Variants in CDKAL1 observed in about 807,000 individuals in gnomAD.
CDKAL1 encodes the protein threonylcarbamoyladenosine tRNA methylthiotransferase.
CDKAL1 carries 32 observed loss-of-function variants against 68.2 expected under a neutral mutation model. The ratio of observed to expected loss-of-function variants is 0.47; its 90% CI spans 0.35 to 0.63. CDKAL1 has a LOEUF of 0.63. CDKAL1 is among the 30% of genes least tolerant of loss of function. The probability of loss-of-function intolerance (pLI) is 0.00; values close to 1 mark genes in which losing one functional copy is unlikely to be tolerated. For synonymous variants in CDKAL1, 234 were observed against 244.3 expected, an observed-to-expected ratio of 0.96 and a Z score of 0.39; for missense variants, 606 against 696.7, an observed-to-expected ratio of 0.87 and a Z score of 1.47.
At chr6:20,712,060 A>C (rs1024726586) in intron 5 of CDKAL1, among the ~76,000 whole-genome samples, 1 of 152,182 alleles carries the variant, frequency 6.6e-6, no homozygotes, top group Non-Finnish European at 1.5e-5. Context: ...AGCCCCTCAT[A>C]GGGTAAACAA....
At position 20,790,146 on chromosome 6, in the gene CDKAL1, A is replaced by C. The variant is rs563531675; in HGVS notation, c.638+8881A>C. Among the ~76,000 whole-genome samples the C allele has an allele frequency of 2.0e-5, 3 of 152,314 alleles. No homozygotes were observed. The South Asian group carries it at 6.2e-4, about 32-fold the overall frequency. ...TAGTTGAACATAAAAAGATGAGTTCATGTGGTATTTGCCCTTGAGAATCCC... is the reference window on the plus strand; with the variant it reads ...TAGTTGAACATAAAAAGATGAGTTCCTGTGGTATTTGCCCTTGAGAATCCC... On this transcript the variant is annotated intron_variant, in intron 8 of 15. Coordinates refer to ENST00000274695, the MANE Select transcript of CDKAL1 (RefSeq NM_017774.3).
rs150084424 is a variant in CDKAL1 at position 20,887,146 on chromosome 6, A to G, written c.742+40968A>G. 1.6e-3 allele frequency among the ~76,000 whole-genome samples: 243 copies of G among 152,334 alleles called. 3 individuals are homozygous for G. In the East Asian group the frequency reaches 0.044, roughly 28 times the overall value. ...AAGATACTCCTATACATGAAGTACAACCACCAGAATTTAAAAGATTAACAG... is the reference window on the plus strand; with the variant it reads ...AAGATACTCCTATACATGAAGTACAGCCACCAGAATTTAAAAGATTAACAG... On this transcript the variant is annotated intron_variant, in intron 9 of 15. Transcript: ENST00000274695.
chr6:20,645,016 G>A (rs1277726515), intron 4 of CDKAL1, among the ~76,000 whole-genome samples: 7 of 152,144 alleles, frequency 4.6e-5, no homozygotes, highest in African/African-American at 1.2e-4. Context: ...GCATATTGCC[G>A]TATTGAATAC....
chr6:20,652,187 C>G (rs1010159784), intron 5 of CDKAL1, among the ~76,000 whole-genome samples: 6 of 152,018 alleles, frequency 3.9e-5, no homozygotes, highest in Non-Finnish European at 1.5e-5. Flanking sequence ...GGGAACTTTT[C>G]TAATAAGTAA....
rs117656456 is a variant in CDKAL1, at chr6:20,671,227, A to C, written c.371+21850A>C. 2.1e-3 allele frequency among the ~76,000 whole-genome samples: 323 copies of C among 152,312 alleles called. 9 individuals carry two copies. The East Asian group carries it at 0.057, about 27-fold the overall frequency. ...AATTTTCACCATTCAGTAGGGAAGAAATGGTATTTCAGGGTTTTCATTTTT... is the reference window on the plus strand; with the variant it reads ...AATTTTCACCATTCAGTAGGGAAGACATGGTATTTCAGGGTTTTCATTTTT... On this transcript the variant is annotated intron_variant, in intron 5 of 15. Transcript: ENST00000274695.
At chr6:21,033,817 G>A (rs1769428045) in intron 11 of CDKAL1, among the ~76,000 whole-genome samples, 1 of 152,174 alleles carries the variant, frequency 6.6e-6, no homozygotes, top group South Asian at 2.1e-4. Context: ...GTTAAGAAAA[G>A]GATGGTTAAC....
intron 11 of CDKAL1, among the ~76,000 whole-genome samples, chr6:21,014,524 T>A (rs1200832699): frequency 6.6e-6 from 1 of 151,236 alleles, no homozygotes; most frequent in Non-Finnish European, 1.5e-5. Flanking sequence ...GGCAAGAGAA[T>A]GGTGTGAACC....
intron 5 of CDKAL1, among the ~76,000 whole-genome samples, chr6:20,690,564 T>C (rs1391435600): frequency 1.3e-5 from 2 of 152,202 alleles, no homozygotes; most frequent in African/African-American, 4.8e-5. Context: ...AATTTTAGTT[T>C]TGCTAATTTA....
intron 15 of CDKAL1, among the ~76,000 whole-genome samples, chr6:21,214,325 A>G (rs1311547761): frequency 1.3e-5 from 2 of 151,974 alleles, no homozygotes; most frequent in African/African-American, 2.4e-5. Context: ...ATATATATAT[A>G]TATACATACC....
chr6:21,024,111 C>T (rs1768828302), intron 11 of CDKAL1, among the ~76,000 whole-genome samples: 1 of 152,000 alleles, frequency 6.6e-6, no homozygotes, highest in South Asian at 2.1e-4. Context: ...TACCTATTTT[C>T]TTGCATCTCA....
intron 7 of CDKAL1, among the ~76,000 whole-genome samples, chr6:20,765,586 ATTT>A (rs761066432): frequency 9.9e-5 from 15 of 152,142 alleles, no homozygotes; most frequent in African/African-American, 1.4e-4. Flanking sequence ...TACATACATT[ATTT>A]CTAGGATGAA....
chr6:21,165,290 C>T (rs1329924379), intron 13 of CDKAL1, among the ~76,000 whole-genome samples: 3 of 152,180 alleles, frequency 2.0e-5, no homozygotes, highest in African/African-American at 7.2e-5. Flanking sequence ...CCCAACTCTC[C>T]TAAAATATGG....
chr6:20,900,062 AC>A (rs1761887881), intron 9 of CDKAL1, among the ~76,000 whole-genome samples: 1 of 152,098 alleles, frequency 6.6e-6, no homozygotes, highest in Non-Finnish European at 1.5e-5. Flanking sequence ...ATTGTAGGGA[AC>A]CATTACAATT....
In CDKAL1 at chr6:20,771,884, A is replaced by G. The variant is rs74316863; in HGVS notation, c.518-9261A>G. Among the ~76,000 whole-genome samples, 1,292 of 152,228 alleles carry G rather than the reference A, an allele frequency of 8.5e-3. 15 individuals carry two copies. Among genetic ancestry groups the G allele is most frequent in the African/African-American group, 0.029 (1,186 of 41,528 alleles). On this transcript the variant is annotated intron_variant, in intron 7 of 15. Coordinates refer to ENST00000274695, the MANE Select transcript of CDKAL1 (RefSeq NM_017774.3). ...TAGAAGCTGAGCAGATGCTGTTACC[A>G]TACTTCCCGTACAGCCTGCAGAACC...
At chr6:20,612,980 T>G (rs1364554015) in intron 4 of CDKAL1, among the ~76,000 whole-genome samples, 3 of 138,836 alleles carry the variant, frequency 2.2e-5, no homozygotes, top group Non-Finnish European at 4.6e-5. Flanking sequence ...AAACTCATTG[T>G]TGCAATTTCT....
At chr6:20,863,979 G>A (rs540026340) in intron 9 of CDKAL1, among the ~76,000 whole-genome samples, 23 of 152,266 alleles carry the variant, frequency 1.5e-4, no homozygotes, top group Middle Eastern at 3.4e-3. Context: ...ACTTGGAGAT[G>A]TAATTCACTT....
chr6:21,152,494 G>A (rs575918602), intron 13 of CDKAL1, among the ~76,000 whole-genome samples: 110 of 152,334 alleles, frequency 7.2e-4, no homozygotes, highest in African/African-American at 2.5e-3. Flanking sequence ...CCAGCAACTT[G>A]TCATATGACC....
intron 4 of CDKAL1, among the ~76,000 whole-genome samples, chr6:20,613,046 A>C (rs796283984): frequency 1.3e-4 from 16 of 127,652 alleles, no homozygotes; most frequent in African/African-American, 4.1e-4. Context: ...CACACACACA[A>C]AGGGTATGGA....
intron 4 of CDKAL1, among the ~76,000 whole-genome samples, chr6:20,648,925 T>G (rs577415090): frequency 6.6e-6 from 1 of 152,342 alleles, no homozygotes; most frequent in South Asian, 2.1e-4. Context: ...GTGTACACTC[T>G]GTGCCTGAAA....
Sources: allele counts gnomAD v4.1 joint callset (sites outside exome capture counted in the v4.1 genomes callset), GRCh38; gene constraint gnomAD v4.1.1; transcripts MANE v1.5; gene names NCBI Gene and HGNC (gene_info 2026-07-23, HGNC 2026-07-21).